Variants in KCNH5 observed in about 807,000 individuals in gnomAD.
The protein encoded by KCNH5 is potassium voltage-gated channel subfamily H member 5.
Under a neutral mutation model 96.1 loss-of-function variants are expected in KCNH5, and 46 were observed. The ratio of observed to expected loss-of-function variants is 0.48; its 90% CI spans 0.38 to 0.61. KCNH5 has a LOEUF of 0.61. Ranked by LOEUF, KCNH5 falls within the 20% of genes least tolerant of loss-of-function variation. The pLI is 0.00. For missense variants in KCNH5, 907 were observed against 1,225.8 expected (o/e 0.74, Z 3.88); for synonymous variants, 439 against 449.8 (o/e 0.98, Z 0.30).
intron 7 of KCNH5, among the ~76,000 whole-genome samples, chr14:62,925,879 G>C (rs1889466780): frequency 6.6e-6 from 1 of 151,984 alleles, no homozygotes. Context: ...CCCACATTAA[G>C]AAAAACACGA....
At chr14:63,010,372 C>A (rs1891202421) in intron 2 of KCNH5, among the ~76,000 whole-genome samples, 1 of 152,098 alleles carries the variant, frequency 6.6e-6, no homozygotes, top group Admixed American at 6.6e-5. Flanking sequence ...GACTAGAATG[C>A]CCCTTCCCCA....
intron 10 of KCNH5, among the ~76,000 whole-genome samples, chr14:62,713,562 T>A (rs1388742690): frequency 6.6e-6 from 1 of 152,314 alleles, no homozygotes; most frequent in Admixed American, 6.5e-5. Context: ...TAAGAGAGTA[T>A]AGGCACTGAT....
At chr14:62,720,807 G>A (rs1287037446) in intron 10 of KCNH5, among the ~76,000 whole-genome samples, 1 of 152,188 alleles carries the variant, frequency 6.6e-6, no homozygotes, top group African/African-American at 2.4e-5. Context: ...CATTTTCCAA[G>A]ATGGTACCTG....
At chr14:62,809,870 G>A (rs552368140) in intron 8 of KCNH5, among the ~76,000 whole-genome samples, 1 of 152,132 alleles carries the variant, frequency 6.6e-6, no homozygotes, top group African/African-American at 2.4e-5. Context: ...GCTCATTCCT[G>A]TGAACCAACC....
intron 9 of KCNH5, among the ~76,000 whole-genome samples, chr14:62,782,757 G>C (rs1886246233): frequency 2.0e-5 from 3 of 152,148 alleles, no homozygotes; most frequent in Admixed American, 2.0e-4. Context: ...CTTGCAGTGA[G>C]CTGAGATTGT....
At chr14:62,952,755 G>A (rs974952700) in intron 6 of KCNH5, among the ~76,000 whole-genome samples, 1 of 152,046 alleles carries the variant, frequency 6.6e-6, no homozygotes, top group Non-Finnish European at 1.5e-5. Context: ...CAACTAGAAT[G>A]TCATGAGTTA....
intron 8 of KCNH5, among the ~76,000 whole-genome samples, chr14:62,835,941 A>T (rs1206314807): frequency 6.6e-6 from 1 of 152,026 alleles, no homozygotes; most frequent in Non-Finnish European, 1.5e-5. Context: ...GAATTTTTTT[A>T]AAAAGATAAA....
intron 3 of KCNH5, among the ~76,000 whole-genome samples, chr14:63,005,136 G>C (rs1423793465): frequency 1.3e-5 from 2 of 152,138 alleles, no homozygotes; most frequent in Non-Finnish European, 2.9e-5. Context: ...CCATTCAGAA[G>C]GGATTGTTTT....
intron 10 of KCNH5, among the ~76,000 whole-genome samples, chr14:62,736,471 A>G (rs531586871): frequency 6.6e-6 from 1 of 152,128 alleles, no homozygotes; most frequent in Non-Finnish European, 1.5e-5. Flanking sequence ...ATAAACCACA[A>G]ATAACATCTC....
At chr14:62,884,878 T>G (rs1888565385) in intron 7 of KCNH5, among the ~76,000 whole-genome samples, 1 of 152,174 alleles carries the variant, frequency 6.6e-6, no homozygotes, top group Non-Finnish European at 1.5e-5. Context: ...TTATGTCACT[T>G]CCAACATGAA....
At chr14:62,956,066 T>C (rs1890098150) in intron 6 of KCNH5, among the ~76,000 whole-genome samples, 1 of 152,166 alleles carries the variant, frequency 6.6e-6, no homozygotes, top group Non-Finnish European at 1.5e-5. Context: ...GCACTGAGCA[T>C]ATCGTCCAAG....
At chr14:62,854,660 G>A (rs12882531) in intron 7 of KCNH5, among the ~76,000 whole-genome samples, 10,057 of 151,894 alleles carry the variant, frequency 0.066, 471 homozygotes, top group Non-Finnish European at 0.11. Flanking sequence ...AGGTTAATTT[G>A]TGACAATTTC....
Position 62,812,025 on chromosome 14 carries a change from C to T in KCNH5, c.1570-9444G>A, listed in dbSNP as rs187394290. 1.2e-3 allele frequency among the ~76,000 whole-genome samples: 176 copies of T among 152,230 alleles called. 2 individuals carry two copies. The highest frequency in any genetic ancestry group is 3.7e-3 in the African/African-American group (154 of 41,542). ...TTTTACAGATAAAGTGAATGTGTCT[C>T]ATAAAGGTTATGTGACTTGCTCAAG... On this transcript the variant is annotated intron_variant, in intron 8 of 10. Coordinates refer to ENST00000322893, the MANE Select transcript of KCNH5 (RefSeq NM_139318.5).
rs548490499 is a variant in KCNH5, at chr14:62,879,973, T to TA, written c.1370-30122dup. Among the ~76,000 whole-genome samples the TA allele has an allele frequency of 2.6e-3, 395 of 152,266 alleles. 2 individuals carry two copies. The highest frequency in any genetic ancestry group is 9.3e-3 in the African/African-American group (386 of 41,570). On this transcript the variant is annotated intron_variant, in intron 7 of 10. Transcript: ENST00000322893. ...TTCTGCTACATAAGAACATTTTTAT[T>TA]AAAAAACATTTCATTAAGCACACCA... is the stretch of plus-strand genomic sequence containing the variant.
chr14:62,879,539 A>C (rs1328117565), intron 7 of KCNH5, among the ~76,000 whole-genome samples: 1 of 152,128 alleles, frequency 6.6e-6, no homozygotes, highest in Non-Finnish European at 1.5e-5. Context: ...TTTCCAGTGT[A>C]AAGGTAAATC....
At chr14:62,711,698 C>G (rs1425465436) in intron 10 of KCNH5, among the ~76,000 whole-genome samples, 1 of 152,188 alleles carries the variant, frequency 6.6e-6, no homozygotes, top group Admixed American at 6.5e-5. Context: ...TGCTCCTTGC[C>G]CTTCACTTCC....
At chr14:62,999,945 G>T (rs1283692929) in intron 4 of KCNH5, among the ~76,000 whole-genome samples, 1 of 151,772 alleles carries the variant, frequency 6.6e-6, no homozygotes, top group Non-Finnish European at 1.5e-5. Flanking sequence ...AGTATTTATA[G>T]TTATCTTAAA....
At chr14:62,910,941 A>ACACACACACACACACAC (rs61033705) in intron 7 of KCNH5, among the ~76,000 whole-genome samples, 228 of 140,860 alleles carry the variant, frequency 1.6e-3, no homozygotes, top group African/African-American at 5.3e-3. Context: ...ACACACACAC[A>ACACACACACACACACAC]CCCCTCTGTT....
intron 10 of KCNH5, among the ~76,000 whole-genome samples, chr14:62,722,655 A>G (rs532798958): frequency 4.5e-4 from 69 of 152,224 alleles, no homozygotes; most frequent in Non-Finnish European, 9.1e-4. Context: ...GTAAATACAT[A>G]CATATTAATA....
Sources: allele counts gnomAD v4.1 joint callset (sites outside exome capture counted in the v4.1 genomes callset), GRCh38; gene constraint gnomAD v4.1.1; transcripts MANE v1.5; gene names NCBI Gene and HGNC (gene_info 2026-07-23, HGNC 2026-07-21).